CYLC2: variants seen among roughly 807,000 people sequenced by gnomAD.
CYLC2 encodes cylicin-2.
Under a neutral mutation model 26.1 loss-of-function variants are expected in CYLC2, and 30 were observed. The observed-to-expected ratio is 1.15, with a 90% CI of 0.86 to 1.56. The LOEUF is 1.56. CYLC2 is among the 40% of genes most tolerant of loss of function. CYLC2 has a pLI of 0.00. For missense variants in CYLC2, 498 were observed against 394.4 expected, an observed-to-expected ratio of 1.26 and a Z score of -2.23; for synonymous variants, 158 against 132.8, an observed-to-expected ratio of 1.19 and a Z score of -1.31.
At chr9:103,014,262 A>T (rs1829460796) in intron 6 of CYLC2, among the ~76,000 whole-genome samples, 1 of 129,516 alleles carries the variant, frequency 7.7e-6, no homozygotes, top group Non-Finnish European at 1.5e-5. Context: ...CACATAATAT[A>T]TTACATTAAA....
intron 5 of CYLC2, among the ~76,000 whole-genome samples, chr9:103,009,757 T>C (rs1306959421): frequency 6.6e-6 from 1 of 151,996 alleles, no homozygotes; most frequent in Non-Finnish European, 1.5e-5. Context: ...TTTTACCCTC[T>C]ACCTCTATAG....
At chr9:103,006,772 T>A (rs1829356179) in intron 5 of CYLC2, among the ~76,000 whole-genome samples, 1 of 152,092 alleles carries the variant, frequency 6.6e-6, no homozygotes. Flanking sequence ...TTTTTGAGGG[T>A]ACATAGTAGA....
At chr9:103,014,862 ATATATGTAATATAC>A (rs1222344967) in intron 6 of CYLC2, among the ~76,000 whole-genome samples, 8 of 129,204 alleles carry the variant, frequency 6.2e-5, no homozygotes, top group East Asian at 2.4e-4. Flanking sequence ...AATATACATA[ATATATGTAATATAC>A]TATGTATATT....
chr9:103,006,463 G>A (rs1475616732), intron 5 of CYLC2, 85 bp downstream of exon 5: 2 of 151,444 alleles, frequency 1.3e-5, no homozygotes, highest in Admixed American at 1.3e-4. Flanking sequence ...GCCCAGGCTG[G>A]AGGGCAGTGG....
chr9:103,007,585 A>T lies in CYLC2; in HGVS notation c.*700+1207A>T, dbSNP rs147440892. Among the ~76,000 whole-genome samples, 783 of 152,244 alleles carry T rather than the reference A, an allele frequency of 5.1e-3. 6 individuals are homozygous for T. Among genetic ancestry groups the T allele is most frequent in the African/African-American group, 0.018 (741 of 41,560 alleles). ...GTATTAAACTCTGTTGTGACCCATA[A>T]GTCCTGTTGATTTGAGGAAAAAATA... On this transcript the variant is annotated intron_variant, in intron 5 of 7. Transcript: ENST00000374798.
chr9:102,999,635 T>A (rs1448425589), intron 1 of CYLC2, among the ~76,000 whole-genome samples: 1 of 151,356 alleles, frequency 6.6e-6, no homozygotes, highest in Non-Finnish European at 1.5e-5. Flanking sequence ...ATCTGTGGGC[T>A]ATGTTCTCTA....
At chr9:103,014,574 T>TATACATCATATGTATATTAC (rs1397710242) in intron 6 of CYLC2, among the ~76,000 whole-genome samples, 6 of 116,712 alleles carry the variant, frequency 5.1e-5, no homozygotes, top group East Asian at 2.7e-4. Flanking sequence ...ATGTATATTA[T>TATACATCATATGTATATTAC]GCAGTATACA....
Position 102,995,348 on chromosome 9 carries a change from T to C in CYLC2, c.-33T>C. On this transcript the variant is annotated 5_prime_UTR_variant, in exon 1 of 8. Coordinates refer to ENST00000374798, the MANE Select transcript of CYLC2 (RefSeq NM_001340.5). ...CAACATCACCAGTTTGAACTTACAATACTTAAGTCCTGGCAAGTCATAAGT... is the reference window on the plus strand; with the variant it reads ...CAACATCACCAGTTTGAACTTACAACACTTAAGTCCTGGCAAGTCATAAGT... 1 of 1,579,856 alleles carries C rather than the reference T, an allele frequency of 6.3e-7. No homozygotes were observed. The highest frequency in any genetic ancestry group is 8.7e-7 in the Non-Finnish European group (1 of 1,149,850).
At chr9:103,000,153 T>C (rs1829274189) in intron 1 of CYLC2, among the ~76,000 whole-genome samples, 1 of 151,888 alleles carries the variant, frequency 6.6e-6, no homozygotes, top group Non-Finnish European at 1.5e-5. Flanking sequence ...ATCTTATTGT[T>C]CAGTTGCTTC....
rs1829341613 is a variant in CYLC2 at position 103,005,846 on chromosome 9, A to T, written c.*168A>T. 1.4e-6 allele frequency: 1 copy of T among 705,456 alleles called. No individual in the cohort carries two copies. The highest frequency in any genetic ancestry group is 2.6e-5 in the East Asian group (1 of 38,036). 43.7% of individuals were successfully genotyped at this position (705,456 alleles called of 1,614,324 possible). ...AAAGGAGAACTCAGCAGAGATTTATAAAAATATATAAGAAAGATGTTAAGA... is the reference window on the plus strand; with the variant it reads ...AAAGGAGAACTCAGCAGAGATTTATTAAAATATATAAGAAAGATGTTAAGA... On this transcript the variant is annotated 3_prime_UTR_variant, in exon 5 of 8. Transcript: ENST00000374798.
chr9:103,008,885 A>G (rs1426966401), intron 5 of CYLC2, among the ~76,000 whole-genome samples: 3 of 152,136 alleles, frequency 2.0e-5, no homozygotes, highest in Non-Finnish European at 4.4e-5. Flanking sequence ...AGAAACCATC[A>G]TGTTTCTCCC....
rs1029016101 is a variant in CYLC2 at position 103,014,414 on chromosome 9, G to A, written c.*816+2317G>A. On this transcript the variant is annotated intron_variant, in intron 6 of 7. Coordinates refer to ENST00000374798, the MANE Select transcript of CYLC2 (RefSeq NM_001340.5). Reference sequence around the variant, plus strand: ...TATAACATAATGTATGTTACGTAATGTAACATAATAACATAATGTATATTA... The same window carrying A: ...TATAACATAATGTATGTTACGTAATATAACATAATAACATAATGTATATTA... Among the ~76,000 whole-genome samples the A allele has an allele frequency of 1.6e-4, 11 of 68,390 alleles. No homozygotes were observed. The East Asian group carries it at 0.032, about 197-fold the overall frequency. The allele number at this position is 68,390 out of a possible 152,430, so 44.9% of individuals were successfully genotyped here.
At chr9:102,996,432 T>C (rs1482846274) in intron 1 of CYLC2, among the ~76,000 whole-genome samples, 2 of 151,960 alleles carry the variant, frequency 1.3e-5, no homozygotes, top group African/African-American at 4.8e-5. Flanking sequence ...GAAACCTCTT[T>C]TTGGTCTTAT....
intron 1 of CYLC2, among the ~76,000 whole-genome samples, chr9:102,999,788 C>T (rs1829270361): frequency 6.6e-6 from 1 of 151,766 alleles, no homozygotes; most frequent in South Asian, 2.1e-4. Flanking sequence ...TTAGGTCAAA[C>T]CAACCTCATA....
chr9:102,996,158 T>C (rs1262100515), intron 1 of CYLC2, among the ~76,000 whole-genome samples: 2 of 151,820 alleles, frequency 1.3e-5, no homozygotes, highest in African/African-American at 4.8e-5. Flanking sequence ...AAATAGGCTT[T>C]CCATAGATAC....
At position 103,003,155 on chromosome 9, in the gene CYLC2, C is replaced by CA; in HGVS notation, c.78dup (p.Ser27IlefsTer37). On this transcript the variant is annotated frameshift_variant, in exon 3 of 8. Coordinates refer to ENST00000374798, the MANE Select transcript of CYLC2 (RefSeq NM_001340.5). LOFTEE classifies it high-confidence loss of function. Reference sequence around the variant, plus strand: ...CCCTTATTTTAGTCAGTGAATTAAGCAAAAAATCATGGAATCAGCAACACT... The same window carrying CA: ...CCCTTATTTTAGTCAGTGAATTAAGCAAAAAAATCATGGAATCAGCAACACT... The CA allele has an allele frequency of 6.2e-7, 1 of 1,613,190 alleles. No homozygotes were observed. The highest frequency in any genetic ancestry group is 8.5e-7 in the Non-Finnish European group (1 of 1,179,510).
At chr9:103,006,754 C>CT (rs778790661) in intron 5 of CYLC2, among the ~76,000 whole-genome samples, 49 of 152,082 alleles carry the variant, frequency 3.2e-4, no homozygotes, top group Non-Finnish European at 5.7e-4. Flanking sequence ...TAATTATTGT[C>CT]TTTTTCATTT....
intron 1 of CYLC2, 60 bp from the exon 2 acceptor site, chr9:103,001,518 C>A: frequency 2.0e-6 from 2 of 1,001,500 alleles, no homozygotes; most frequent in Non-Finnish European, 3.0e-6. Flanking sequence ...AAAATAATGA[C>A]AGTTTAAAAC....
intron 5 of CYLC2, among the ~76,000 whole-genome samples, chr9:103,010,991 A>T (rs1829401047): frequency 6.6e-6 from 1 of 152,110 alleles, no homozygotes; most frequent in African/African-American, 2.4e-5. Context: ...ATACTAGTGT[A>T]TGCCTAAGAA....
Sources: gnomAD v4.1 joint callset for allele counts (sites outside exome capture counted in the v4.1 genomes callset) on GRCh38, gnomAD v4.1.1 for gene constraint, MANE v1.5 for transcripts, NCBI Gene and HGNC (gene_info 2026-07-23, HGNC 2026-07-21) for gene names.